Variants in PCDHA1 observed in about 807,000 individuals in gnomAD.
The protein encoded by PCDHA1 is protocadherin alpha 1, also known as protocadherin alpha-1.
Under a neutral mutation model 61.3 loss-of-function variants are expected in PCDHA1, and 42 were observed. That is an observed-to-expected ratio of 0.69 (90% CI 0.54 to 0.89). PCDHA1 has a LOEUF of 0.89. Among genes scored for constraint, PCDHA1 ranks in the 40% least tolerant of loss-of-function variants. PCDHA1 has a pLI of 0.00. For missense variants in PCDHA1, 1,256 were observed against 1,235.3 expected (o/e 1.02, Z -0.25); for synonymous variants, 610 against 553.8 (o/e 1.10, Z -1.43).
chr5:140,993,406 T>G (rs1382987714), intron 3 of PCDHA1, among the ~76,000 whole-genome samples: 2 of 150,884 alleles, frequency 1.3e-5, no homozygotes, highest in Non-Finnish European at 2.9e-5. Context: ...TTAACCACCT[T>G]CATCAGCATT....
chr5:140,919,709 G>T (rs782509447), intron 1 of PCDHA1, among the ~76,000 whole-genome samples: 5 of 152,076 alleles, frequency 3.3e-5, no homozygotes, highest in Non-Finnish European at 7.4e-5. Context: ...CTTAATTCTA[G>T]TGAGATATAA....
At chr5:140,803,005 A>G (rs1763087984) in intron 1 of PCDHA1, 2 of 1,614,028 alleles carry the variant, frequency 1.2e-6, no homozygotes, top group Non-Finnish European at 1.7e-6. Context: ...GACTCAGGCT[A>G]CAACGCGTGG....
chr5:141,011,894 TATC>T lies in PCDHA1; in HGVS notation c.*1958_*1960del, dbSNP rs1554263691. 6.5e-6 allele frequency: 1 copy of T among 153,306 alleles called. No individual in the cohort carries two copies. The highest frequency in any genetic ancestry group is 2.4e-5 in the African/African-American group (1 of 41,080). 9.5% of individuals were successfully genotyped at this position (153,306 alleles called of 1,614,324 possible). On this transcript the variant is annotated 3_prime_UTR_variant, in exon 4 of 4. Transcript: ENST00000504120. Reference sequence around the variant, plus strand: ...AATTTAGAAGTTTGATTAATTATATTATCTATTTAGGCATTAATATAAAAGAGG... The same window carrying T: ...AATTTAGAAGTTTGATTAATTATATTTATTTAGGCATTAATATAAAAGAGG...
intron 1 of PCDHA1, among the ~76,000 whole-genome samples, chr5:140,791,817 G>GT (rs1427628047): frequency 6.6e-6 from 1 of 152,106 alleles, no homozygotes; most frequent in East Asian, 1.9e-4. Flanking sequence ...TCCCCTTGTT[G>GT]TTTTTTTCTT....
rs1769955190 is a variant in PCDHA1 at position 140,828,794 on chromosome 5, G to A, written c.2394+40110G>A. On this transcript the variant is annotated intron_variant, in intron 1 of 3. Transcript: ENST00000504120. ...TCAGCTGCTGGTCACAGTGCTGGAT[G>A]TGAATGATAATGCTCCCACTTTCGA... is the stretch of plus-strand genomic sequence containing the variant. 1 of 1,614,124 alleles carries A rather than the reference G, an allele frequency of 6.2e-7. No individual in the cohort carries two copies. Among genetic ancestry groups the A allele is most frequent in the African/African-American group, 1.3e-5 (1 of 74,946 alleles).
chr5:140,968,789 G>C, intron 1 of PCDHA1: 5 of 1,614,180 alleles, frequency 3.1e-6, no homozygotes, highest in Non-Finnish European at 4.2e-6. Context: ...AGCCTCTGTG[G>C]CCATTACAGT....
chr5:140,978,829 T>C, intron 1 of PCDHA1, 120 bp from the exon 2 acceptor site: 1 of 1,533,852 alleles, frequency 6.5e-7, no homozygotes, highest in Non-Finnish European at 8.8e-7. Flanking sequence ...ATGAAATGGC[T>C]CATTCAATAC....
chr5:140,904,706 A>G (rs1554191662), intron 1 of PCDHA1, among the ~76,000 whole-genome samples: 2 of 151,982 alleles, frequency 1.3e-5, no homozygotes, highest in South Asian at 2.1e-4. Flanking sequence ...TTCCCTTTTC[A>G]CCACATTCTG....
chr5:140,923,313 C>T (rs1428494241), intron 1 of PCDHA1, among the ~76,000 whole-genome samples: 1 of 152,074 alleles, frequency 6.6e-6, no homozygotes, highest in African/African-American at 2.4e-5. Flanking sequence ...GGGCGCTTGG[C>T]CTAGAAGTTC....
intron 1 of PCDHA1, chr5:140,877,301 A>G: frequency 1.2e-6 from 2 of 1,613,876 alleles, no homozygotes. Context: ...CTGTCCTACG[A>G]GTTGCAACCG....
At chr5:140,829,172 G>A (rs2150163481) in intron 1 of PCDHA1, 2 of 1,614,134 alleles carry the variant, frequency 1.2e-6, no homozygotes, top group East Asian at 4.5e-5. Context: ...GCCTGTACGT[G>A]AAGACGCTCA....
intron 1 of PCDHA1, among the ~76,000 whole-genome samples, chr5:140,806,556 T>C (rs1336554609): frequency 2.0e-5 from 3 of 152,206 alleles, no homozygotes; most frequent in Non-Finnish European, 4.4e-5. Context: ...ATCTGCAAAT[T>C]TCCCTGTCAA....
At chr5:140,834,956 T>G (rs2150229347) in intron 1 of PCDHA1, 2 of 1,534,454 alleles carry the variant, frequency 1.3e-6, no homozygotes, top group African/African-American at 1.5e-5. Context: ...AGGTAAAACC[T>G]CTTGGACTTG....
Position 140,848,412 on chromosome 5 carries a change from A to G in PCDHA1, c.2394+59728A>G. ...CTCTGTGCTGAACGATGGCGAACAC[A>G]GCAGAATGGGACTGACGAAATCAGA... On this transcript the variant is annotated intron_variant, in intron 1 of 3. Coordinates refer to ENST00000504120, the MANE Select transcript of PCDHA1 (RefSeq NM_018900.4). 2 of 1,379,818 alleles carry G rather than the reference A, an allele frequency of 1.4e-6. 1 individual carries two copies. Among genetic ancestry groups the G allele is most frequent in the Non-Finnish European group, 2.0e-6 (2 of 1,001,964 alleles). 85.5% of individuals were successfully genotyped at this position (1,379,818 alleles called of 1,614,324 possible).
chr5:140,953,873 A>G (rs537538688), intron 1 of PCDHA1, among the ~76,000 whole-genome samples: 53 of 152,258 alleles, frequency 3.5e-4, no homozygotes, highest in African/African-American at 1.3e-3. Context: ...TGCTGCACAG[A>G]TCAACCCATC....
chr5:140,894,239 A>C (rs1323710769), intron 1 of PCDHA1, among the ~76,000 whole-genome samples: 11 of 152,028 alleles, frequency 7.2e-5, no homozygotes, highest in African/African-American at 2.2e-4. Flanking sequence ...ATGACAATGT[A>C]ATTTTCTTTT....
At chr5:140,803,487 T>G (rs1562194564) in intron 1 of PCDHA1, 2 of 1,614,116 alleles carry the variant, frequency 1.2e-6, no homozygotes, top group Non-Finnish European at 1.7e-6. Context: ...TGGAGAGGGG[T>G]TGCCCAAGAC....
chr5:140,854,663 C>G (rs1359601461), intron 1 of PCDHA1: 1 of 149,774 alleles, frequency 6.7e-6, no homozygotes, highest in Non-Finnish European at 1.5e-5. Context: ...TAAATTAACC[C>G]TTGCATAAGA....
At position 140,843,615 on chromosome 5, in the gene PCDHA1, C is replaced by G. The variant is rs111750019; in HGVS notation, c.2394+54931C>G. ...AGGGTGTGCTCTGGTGAGGGGCCAC[C>G]GAAGACGGACCTCATGGCCTTCAGC... On this transcript the variant is annotated intron_variant, in intron 1 of 3. Coordinates refer to ENST00000504120, the MANE Select transcript of PCDHA1 (RefSeq NM_018900.4). The G allele has an allele frequency of 2.1e-5, 33 of 1,595,902 alleles. 4 individuals are homozygous for G. Among genetic ancestry groups the G allele is most frequent in the Middle Eastern group, 3.3e-4 (2 of 6,016 alleles).
Sources: allele counts gnomAD v4.1 joint callset (sites outside exome capture counted in the v4.1 genomes callset), GRCh38; gene constraint gnomAD v4.1.1; transcripts MANE v1.5; gene names NCBI Gene and HGNC (gene_info 2026-07-23, HGNC 2026-07-21).